The following HGD variants were observed in gnomAD, a reference collection of about 807,000 sequenced individuals.
HGD encodes homogentisate oxidase.
A neutral mutation model predicts 60.8 loss-of-function variants in HGD; 61 were observed. That is an observed-to-expected ratio of 1.00 (90% confidence interval 0.82 to 1.24). The LOEUF is 1.24. HGD is among the 50% of genes most tolerant of loss of function. The probability of loss-of-function intolerance (pLI) is 0.00; values close to 1 mark genes in which losing one functional copy is unlikely to be tolerated. For synonymous variants in HGD, 212 were observed against 187.7 expected, an observed-to-expected ratio of 1.13 and a Z score of -1.06; for missense variants, 542 against 547.1, an observed-to-expected ratio of 0.99 and a Z score of 0.09.
intron 12 of HGD, among the ~76,000 whole-genome samples, chr3:120,637,688 A>C (rs1940827736): frequency 6.6e-6 from 1 of 152,100 alleles, no homozygotes; most frequent in Non-Finnish European, 1.5e-5. Context: ...GAACTTTCCC[A>C]AAACAACAGA....
intron 6 of HGD, 130 bp downstream of exon 6, chr3:120,650,644 G>A: frequency 1.3e-6 from 1 of 758,738 alleles, no homozygotes; most frequent in Non-Finnish European, 2.4e-6. Flanking sequence ...TTGCCTTGAG[G>A]AGAAAACCAA....
At chr3:120,638,402 T>C (rs979601991) in intron 12 of HGD, 53 bp downstream of exon 12, 3 of 1,610,608 alleles carry the variant, frequency 1.9e-6, no homozygotes, top group Non-Finnish European at 2.5e-6. Context: ...TAGCGCTCAC[T>C]GCTTTGTTGT....
chr3:120,636,669 C>T (rs1229401630), intron 12 of HGD, among the ~76,000 whole-genome samples: 1 of 152,184 alleles, frequency 6.6e-6, no homozygotes, highest in Admixed American at 6.5e-5. Context: ...AAAATAGCTG[C>T]TGTCTTTGCC....
chr3:120,644,706 A>G (rs1941105831), intron 9 of HGD: 1 of 1,047,484 alleles, frequency 9.5e-7, no homozygotes, highest in Non-Finnish European at 1.4e-6. Context: ...TATATGCATT[A>G]TCTTATCACT....
At chr3:120,646,738 A>G (rs576478296) in intron 8 of HGD, among the ~76,000 whole-genome samples, 1 of 152,038 alleles carries the variant, frequency 6.6e-6, no homozygotes, top group Non-Finnish European at 1.5e-5. Context: ...GTAAATATTT[A>G]GGAAAGTGCA....
intron 3 of HGD, among the ~76,000 whole-genome samples, chr3:120,671,705 A>T (rs374606935): frequency 1.3e-5 from 2 of 152,368 alleles, no homozygotes; most frequent in East Asian, 1.9e-4. Flanking sequence ...TTATTGCAGC[A>T]CTATTCACAA....
intron 4 of HGD, among the ~76,000 whole-genome samples, chr3:120,658,831 A>C (rs924832990): frequency 6.6e-6 from 1 of 152,238 alleles, no homozygotes; most frequent in Non-Finnish European, 1.5e-5. Flanking sequence ...TGCAGTCTTA[A>C]CACCACATGG....
At chr3:120,646,918 C>G (rs1941181574) in intron 8 of HGD, 55 bp downstream of exon 8, 12 of 1,370,042 alleles carry the variant, frequency 8.8e-6, no homozygotes, top group Non-Finnish European at 1.1e-5. Context: ...GCTGAAACAT[C>G]TGACTGCTCC....
At chr3:120,650,120 A>G (rs1167136024) in intron 6 of HGD, among the ~76,000 whole-genome samples, 1 of 152,256 alleles carries the variant, frequency 6.6e-6, no homozygotes, top group Admixed American at 6.5e-5. Flanking sequence ...TCTGTTGTGC[A>G]CATTTTAAAC....
At chr3:120,633,564 C>T in intron 12 of HGD, 1 of 1,454,182 alleles carries the variant, frequency 6.9e-7, no homozygotes, top group South Asian at 1.2e-5. Flanking sequence ...TCTCGAGTTC[C>T]ACTCTCTGAC....
At chr3:120,629,260 G>A (rs1424480657) in intron 13 of HGD, among the ~76,000 whole-genome samples, 2 of 152,134 alleles carry the variant, frequency 1.3e-5, no homozygotes, top group Non-Finnish European at 2.9e-5. Context: ...CTTATCCACT[G>A]TGGCTTTAAA....
chr3:120,672,192 G>A (rs529094454), intron 3 of HGD, among the ~76,000 whole-genome samples: 1 of 152,240 alleles, frequency 6.6e-6, no homozygotes, highest in East Asian at 1.9e-4. Context: ...AATTATAAGA[G>A]TGTATGTCCA....
intron 10 of HGD, 109 bp from the exon 11 acceptor site, chr3:120,641,802 TC>T: frequency 1.2e-6 from 1 of 815,106 alleles, no homozygotes; most frequent in Non-Finnish European, 2.1e-6. Context: ...TTGATTTTGT[TC>T]TCGATTTAAT....
Position 120,654,541 on chromosome 3 carries a change from A to C in HGD, c.283-1890T>G, listed in dbSNP as rs149376104. Among the ~76,000 whole-genome samples the C allele has an allele frequency of 1.9e-3, 286 of 152,334 alleles. 1 individual carries two copies. The highest frequency in any genetic ancestry group is 6.2e-3 in the African/African-American group (259 of 41,578). The stretch of plus-strand genomic sequence containing the variant: ...AACCCACCAACTGATCAATCAACTA[A>C]ATTCTGGCATCTTGGGCCATACGTG... On this transcript the variant is annotated intron_variant, in intron 4 of 13. Coordinates refer to ENST00000283871, the MANE Select transcript of HGD (RefSeq NM_000187.4).
chr3:120,635,674 G>GT (rs889352731), intron 12 of HGD, among the ~76,000 whole-genome samples: 4 of 151,962 alleles, frequency 2.6e-5, no homozygotes, highest in African/African-American at 7.3e-5. Flanking sequence ...GGGTTCTGTG[G>GT]TTTTTTCCCA....
intron 2 of HGD, 118 bp downstream of exon 2, chr3:120,675,674 T>C (rs17140396): frequency 0.2 from 153,425 of 784,026 alleles, 16,979 homozygotes; most frequent in African/African-American, 0.36. Flanking sequence ...TTGGGAAACC[T>C]CTAGACAGTT....
intron 13 of HGD, among the ~76,000 whole-genome samples, chr3:120,629,451 T>C (rs1236503015): frequency 6.6e-6 from 1 of 152,228 alleles, no homozygotes; most frequent in Non-Finnish European, 1.5e-5. Flanking sequence ...ACAATGGATA[T>C]GAGTATCGCT....
At chr3:120,646,540 T>A (rs1337057884) in intron 8 of HGD, among the ~76,000 whole-genome samples, 174 bp from the exon 9 acceptor site, 1 of 152,150 alleles carries the variant, frequency 6.6e-6, no homozygotes, top group African/African-American at 2.4e-5. Context: ...AAAGAAATTT[T>A]TAAAATTCAG....
chr3:120,672,189 A>T (rs1246560873), intron 3 of HGD, among the ~76,000 whole-genome samples: 3 of 152,184 alleles, frequency 2.0e-5, no homozygotes, highest in Non-Finnish European at 2.9e-5. Context: ...TAAAATTATA[A>T]GAGTGTATGT....
Sources: gnomAD v4.1 joint callset for allele counts (sites outside exome capture counted in the v4.1 genomes callset) on GRCh38, gnomAD v4.1.1 for gene constraint, MANE v1.5 for transcripts, NCBI Gene and HGNC (gene_info 2026-07-23, HGNC 2026-07-21) for gene names.